SPAG16: variants seen among roughly 807,000 people sequenced by gnomAD.
SPAG16 encodes the protein sperm associated antigen 16.
SPAG16 carries 86 observed loss-of-function variants against 80.4 expected under a neutral mutation model. The observed-to-expected ratio is 1.07, with a 90% CI of 0.90 to 1.28. The LOEUF is 1.28. Among genes scored for constraint, SPAG16 ranks in the 50% most tolerant of loss-of-function variants. SPAG16 has a pLI of 0.00. For synonymous variants in SPAG16, 294 were observed against 265.9 expected, an observed-to-expected ratio of 1.11 and a Z score of -1.03; for missense variants, 870 against 765.3, an observed-to-expected ratio of 1.14 and a Z score of -1.61.
chr2:214,267,710 T>A (rs1051264200), intron 15 of SPAG16, among the ~76,000 whole-genome samples: 2 of 151,818 alleles, frequency 1.3e-5, no homozygotes, highest in Admixed American at 6.6e-5. Flanking sequence ...GAATTAATAG[T>A]TAAAATGTCC....
Position 213,620,270 on chromosome 2 carries a change from T to C in SPAG16, c.1070+130180T>C, listed in dbSNP as rs935375160. Among the ~76,000 whole-genome samples the C allele has an allele frequency of 4.2e-5, 6 of 143,578 alleles. No homozygotes were observed. In the East Asian group the frequency reaches 1.2e-3, roughly 30 times the overall value. 94.2% of individuals were successfully genotyped at this position (143,578 alleles called of 152,430 possible). A position where few individuals can be genotyped will look rare whatever the true frequency, so the allele number is the denominator to read the frequency against. Reference sequence around the variant, plus strand: ...ATTGCAGAGTAAATGTAGTTAACAATAATTTATTGAGTTTTTTTTTTTTTT... The same window carrying C: ...ATTGCAGAGTAAATGTAGTTAACAACAATTTATTGAGTTTTTTTTTTTTTT... On this transcript the variant is annotated intron_variant, in intron 10 of 15. Transcript: ENST00000331683.
chr2:214,142,201 A>G (rs1289731671), intron 14 of SPAG16, among the ~76,000 whole-genome samples: 1 of 152,150 alleles, frequency 6.6e-6, no homozygotes, highest in Non-Finnish European at 1.5e-5. Context: ...TATTTCTTCA[A>G]TGACTAACAT....
At chr2:214,205,307 A>G (rs908984863) in intron 15 of SPAG16, among the ~76,000 whole-genome samples, 1 of 152,174 alleles carries the variant, frequency 6.6e-6, no homozygotes, top group African/African-American at 2.4e-5. Context: ...GCATAAATAA[A>G]AAACAATCAC....
intron 6 of SPAG16, among the ~76,000 whole-genome samples, chr2:213,346,802 TTG>T (rs2065019207): frequency 1.3e-5 from 2 of 151,196 alleles, no homozygotes; most frequent in African/African-American, 2.4e-5. Context: ...TTGAGGATTT[TTG>T]CATCGATGTT....
intron 10 of SPAG16, among the ~76,000 whole-genome samples, chr2:213,608,440 T>G (rs575787202): frequency 6.6e-6 from 1 of 152,286 alleles, no homozygotes; most frequent in East Asian, 1.9e-4. Flanking sequence ...TTTTTGTCCT[T>G]GTGATAGTTT....
At chr2:213,985,117 A>T (rs1212744359) in intron 12 of SPAG16, among the ~76,000 whole-genome samples, 35 of 152,200 alleles carry the variant, frequency 2.3e-4, no homozygotes, top group Admixed American at 2.1e-3. Context: ...ACTCTGTCTT[A>T]CTGCTTAGAA....
intron 15 of SPAG16, among the ~76,000 whole-genome samples, chr2:214,298,938 T>C (rs1467875710): frequency 6.6e-6 from 1 of 152,166 alleles, no homozygotes; most frequent in Non-Finnish European, 1.5e-5. Context: ...GGGTATAGTA[T>C]GAACAAATTT....
At chr2:213,352,459 C>T (rs534226885) in intron 7 of SPAG16, among the ~76,000 whole-genome samples, 1 of 152,230 alleles carries the variant, frequency 6.6e-6, no homozygotes, top group South Asian at 2.1e-4. Context: ...TAAGCTTTTG[C>T]TACCCATCTT....
At chr2:213,398,310 A>G (rs545053432) in intron 9 of SPAG16, among the ~76,000 whole-genome samples, 1 of 152,138 alleles carries the variant, frequency 6.6e-6, no homozygotes, top group East Asian at 1.9e-4. Context: ...TCTGTCCATG[A>G]CATTTCTCTG....
intron 10 of SPAG16, among the ~76,000 whole-genome samples, chr2:213,518,229 G>T (rs2075518584): frequency 6.6e-6 from 1 of 152,150 alleles, no homozygotes; most frequent in African/African-American, 2.4e-5. Context: ...GAGAATTGCA[G>T]ATCAAAACCA....
intron 15 of SPAG16, among the ~76,000 whole-genome samples, chr2:214,248,334 A>C (rs1032338569): frequency 3.8e-5 from 5 of 130,546 alleles, no homozygotes; most frequent in Non-Finnish European, 6.6e-5. Flanking sequence ...TATTATTATT[A>C]TTGAGACAGA....
At chr2:213,951,572 A>C (rs2079782211) in intron 12 of SPAG16, among the ~76,000 whole-genome samples, 1 of 152,220 alleles carries the variant, frequency 6.6e-6, no homozygotes, top group African/African-American at 2.4e-5. Flanking sequence ...TGACTGAGCC[A>C]GACTTCATTC....
At chr2:214,258,924 A>C (rs1324810763) in intron 15 of SPAG16, among the ~76,000 whole-genome samples, 2 of 151,666 alleles carry the variant, frequency 1.3e-5, no homozygotes, top group Non-Finnish European at 2.9e-5. Flanking sequence ...GAGTATTTTT[A>C]TTTTTATTCT....
At chr2:214,389,870 T>A (rs1700970416) in intron 15 of SPAG16, among the ~76,000 whole-genome samples, 1 of 152,200 alleles carries the variant, frequency 6.6e-6, no homozygotes, top group Non-Finnish European at 1.5e-5. Context: ...TTGACATTCT[T>A]CAGTTAGGGC....
At chr2:213,698,245 A>T (rs1034420908) in intron 10 of SPAG16, among the ~76,000 whole-genome samples, 1 of 151,866 alleles carries the variant, frequency 6.6e-6, no homozygotes, top group African/African-American at 2.4e-5. Context: ...GCAATTTTTT[A>T]AATTTATTAT....
intron 15 of SPAG16, among the ~76,000 whole-genome samples, chr2:214,289,731 T>C (rs1223603223): frequency 4.6e-5 from 7 of 151,882 alleles, no homozygotes; most frequent in Admixed American, 6.6e-5. Flanking sequence ...TGGTTTGATA[T>C]GAATTCTATA....
chr2:213,643,065 GTA>G (rs60295641), intron 10 of SPAG16, among the ~76,000 whole-genome samples: 89,939 of 144,794 alleles, frequency 0.62, 28,782 homozygotes, highest in African/African-American at 0.81. Flanking sequence ...GTGTGTGTGT[GTA>G]TATATATATA....
intron 13 of SPAG16, among the ~76,000 whole-genome samples, chr2:214,081,244 C>T (rs1042187523): frequency 8.6e-5 from 13 of 152,014 alleles, no homozygotes; most frequent in African/African-American, 1.2e-4. Flanking sequence ...GACTCCAAGC[C>T]GCATTAGCCA....
At chr2:213,512,226 TAAAC>T (rs1377537973) in intron 10 of SPAG16, among the ~76,000 whole-genome samples, 3 of 152,126 alleles carry the variant, frequency 2.0e-5, no homozygotes, top group South Asian at 2.1e-4. Flanking sequence ...GGAAAGAAGA[TAAAC>T]AAACTAGACT....
Sources: allele counts gnomAD v4.1 joint callset (sites outside exome capture counted in the v4.1 genomes callset), GRCh38; gene constraint gnomAD v4.1.1; transcripts MANE v1.5; gene names NCBI Gene and HGNC (gene_info 2026-07-23, HGNC 2026-07-21).